Variants in CPED1 observed in about 807,000 individuals in gnomAD.
CPED1 encodes the protein cadherin-like and PC-esterase domain-containing protein 1.
A neutral mutation model predicts 128.2 loss-of-function variants in CPED1; 114 were observed. The ratio of observed to expected loss-of-function variants is 0.89; its 90% CI spans 0.76 to 1.04. The LOEUF (loss-of-function observed/expected upper bound fraction) is 1.04, where lower values mean the gene tolerates loss of function less well. CPED1 is among the 50% of genes least tolerant of loss of function. The pLI, the probability that CPED1 is intolerant of heterozygous loss-of-function variation, is 0.00. For synonymous variants in CPED1, 462 were observed against 426.7 expected (o/e 1.08, Z -1.02); for missense variants, 1,211 against 1,207.1 (o/e 1.00, Z -0.05).
chr7:121,002,402 C>G (rs1791883904), intron 2 of CPED1, among the ~76,000 whole-genome samples: 1 of 152,054 alleles, frequency 6.6e-6, no homozygotes, highest in Non-Finnish European at 1.5e-5. Flanking sequence ...CTGGACACAC[C>G]CAGAGGGCAG....
Position 121,001,994 on chromosome 7 carries a change from C to T in CPED1, c.249+12124C>T, listed in dbSNP as rs189576981. Among the ~76,000 whole-genome samples, 271 of 152,168 alleles carry T rather than the reference C, an allele frequency of 1.8e-3. 1 individual carries two copies. Among genetic ancestry groups the T allele is most frequent in the African/African-American group, 6.0e-3 (249 of 41,528 alleles). ...GCCTCTTGGGAAAAGAAGACACACACACACATATATATATATAAAACACAA... is the reference window on the plus strand; with the variant it reads ...GCCTCTTGGGAAAAGAAGACACACATACACATATATATATATAAAACACAA... On this transcript the variant is annotated intron_variant, in intron 2 of 22. Coordinates refer to ENST00000310396, the MANE Select transcript of CPED1 (RefSeq NM_024913.5).
In CPED1 at chr7:121,287,431, A is replaced by G. The variant is rs147802755; in HGVS notation, c.2869-8009A>G. Among the ~76,000 whole-genome samples, 483 of 152,314 alleles carry G rather than the reference A, an allele frequency of 3.2e-3. 5 individuals are homozygous for G. The highest frequency in any genetic ancestry group is 0.011 in the African/African-American group (463 of 41,556). The stretch of plus-strand genomic sequence containing the variant: ...GTTTACCATGGAAAAGAGGTTTCCA[A>G]AGGAACAACTGAGAGGTGTAACAGC... On this transcript the variant is annotated intron_variant, in intron 22 of 22. Coordinates refer to ENST00000310396, the MANE Select transcript of CPED1 (RefSeq NM_024913.5).
chr7:121,095,094 G>A (rs927793103), intron 5 of CPED1, among the ~76,000 whole-genome samples: 4 of 152,100 alleles, frequency 2.6e-5, no homozygotes, highest in Non-Finnish European at 4.4e-5. Context: ...AATGAACTAG[G>A]CTATTTGGAA....
intron 4 of CPED1, among the ~76,000 whole-genome samples, chr7:121,057,082 A>T (rs1793516752): frequency 6.6e-6 from 1 of 151,956 alleles, no homozygotes. Context: ...GGTTCAAGCG[A>T]TTCTCCTGCC....
chr7:121,112,067 T>C (rs1261916936), intron 7 of CPED1, among the ~76,000 whole-genome samples: 1 of 152,152 alleles, frequency 6.6e-6, no homozygotes. Context: ...GTGCCTGTCA[T>C]CGTCTTGTAG....
chr7:121,291,038 A>T (rs1392612896), intron 22 of CPED1, among the ~76,000 whole-genome samples: 2 of 152,168 alleles, frequency 1.3e-5, no homozygotes, highest in Admixed American at 6.5e-5. Flanking sequence ...CAGTTTTCCC[A>T]ACACTATTTA....
At chr7:121,237,426 C>T (rs996979707) in intron 17 of CPED1, among the ~76,000 whole-genome samples, 6 of 152,096 alleles carry the variant, frequency 3.9e-5, no homozygotes, top group Non-Finnish European at 7.4e-5. Context: ...CCTCATATAT[C>T]GGTCATTTAT....
At chr7:121,094,095 C>T (rs1794640164) in intron 5 of CPED1, among the ~76,000 whole-genome samples, 1 of 152,070 alleles carries the variant, frequency 6.6e-6, no homozygotes, top group South Asian at 2.1e-4. Flanking sequence ...TTATCAATGC[C>T]CTCAGGCAGG....
chr7:121,076,076 A>G (rs900991925), intron 5 of CPED1, among the ~76,000 whole-genome samples: 1 of 152,108 alleles, frequency 6.6e-6, no homozygotes, highest in Non-Finnish European at 1.5e-5. Context: ...CATAGTCCCT[A>G]ATATATAATA....
rs199844199 is a variant in CPED1, at chr7:121,099,909, T to TC, written c.750-17_750-16insC. The TC allele has an allele frequency of 3.4e-4, 2 of 5,946 alleles. No individual in the cohort carries two copies. The highest frequency in any genetic ancestry group is 0.012 in the Admixed American group (2 of 162). 0.4% of individuals were successfully genotyped at this position (5,946 alleles called of 1,614,324 possible). On this transcript the variant is annotated splice_polypyrimidine_tract_variant and intron_variant, in intron 6 of 22. Coordinates refer to ENST00000310396, the MANE Select transcript of CPED1 (RefSeq NM_024913.5). ...CCTACATTATGGAGCGCTAACTATGTTTTTTTTTTTTTTTAGGAATGAAAC... is the reference window on the plus strand; with the variant it reads ...CCTACATTATGGAGCGCTAACTATGTCTTTTTTTTTTTTTTAGGAATGAAAC...
At chr7:121,238,584 A>C (rs1254276879) in intron 17 of CPED1, among the ~76,000 whole-genome samples, 1 of 151,970 alleles carries the variant, frequency 6.6e-6, no homozygotes, top group Non-Finnish European at 1.5e-5. Context: ...CATGTTTCTC[A>C]CTTAGTCTCC....
Position 121,294,827 on chromosome 7 carries a change from A to G in CPED1, c.2869-613A>G, listed in dbSNP as rs190201275. 1.1e-4 allele frequency among the ~76,000 whole-genome samples: 16 copies of G among 151,932 alleles called. No individual in the cohort carries two copies. In the East Asian group the frequency reaches 1.9e-3, roughly 18 times the overall value. On this transcript the variant is annotated intron_variant, in intron 22 of 22. Transcript: ENST00000310396. The stretch of plus-strand genomic sequence containing the variant: ...TAAGCAAAAAAAAAAAAAAAAGTCT[A>G]AAACTAAATCTACATATATATCTCC...
chr7:121,267,395 C>T, intron 21 of CPED1, 93 bp downstream of exon 21: 1 of 580,456 alleles, frequency 1.7e-6, no homozygotes, highest in South Asian at 4.2e-5. Flanking sequence ...TAATATTGAG[C>T]AACCTTCATG....
intron 14 of CPED1, among the ~76,000 whole-genome samples, chr7:121,137,341 T>C (rs1795806829): frequency 6.6e-6 from 1 of 151,974 alleles, no homozygotes; most frequent in Admixed American, 6.6e-5. Flanking sequence ...CTGGACAATT[T>C]ATGCAATTTT....
Position 121,029,337 on chromosome 7 carries a change from A to C in CPED1, c.433+13489A>C, listed in dbSNP as rs80122144. ...TCATCAGCTGCACAAGAAATTTCCC[A>C]TAAGAAACAAATCTCTTATTTCAAT... On this transcript the variant is annotated intron_variant, in intron 3 of 22. Coordinates refer to ENST00000310396, the MANE Select transcript of CPED1 (RefSeq NM_024913.5). Among the ~76,000 whole-genome samples the C allele has an allele frequency of 5.5e-3, 831 of 152,306 alleles. 7 individuals carry two copies. The highest frequency in any genetic ancestry group is 0.019 in the African/African-American group (791 of 41,570).
intron 16 of CPED1, among the ~76,000 whole-genome samples, chr7:121,172,661 C>CATACATAGATAG (rs1796676493): frequency 6.9e-6 from 1 of 145,202 alleles, no homozygotes; most frequent in Non-Finnish European, 1.5e-5. Context: ...TGGATGGATA[C>CATACATAGATAG]ATAGATAGAT....
At chr7:121,021,691 C>A (rs950665113) in intron 3 of CPED1, among the ~76,000 whole-genome samples, 3 of 151,878 alleles carry the variant, frequency 2.0e-5, no homozygotes, top group South Asian at 2.1e-4. Context: ...GGTTACATAA[C>A]CCTGGGCAAG....
chr7:121,035,510 A>G (rs1347651108), intron 3 of CPED1, among the ~76,000 whole-genome samples: 4 of 152,090 alleles, frequency 2.6e-5, no homozygotes, highest in Admixed American at 2.6e-4. Flanking sequence ...TTCTAGTTTG[A>G]GAAAGAGTGG....
intron 2 of CPED1, among the ~76,000 whole-genome samples, chr7:121,013,096 C>T (rs984400376): frequency 5.3e-5 from 8 of 152,096 alleles, no homozygotes; most frequent in African/African-American, 1.7e-4. Context: ...TGAGTGACAC[C>T]GATATATTGG....
Sources: allele counts gnomAD v4.1 joint callset (sites outside exome capture counted in the v4.1 genomes callset), GRCh38; gene constraint gnomAD v4.1.1; transcripts MANE v1.5; gene names NCBI Gene and HGNC (gene_info 2026-07-23, HGNC 2026-07-21).